Variants in MGAT5 observed in about 807,000 individuals in gnomAD.
MGAT5 encodes alpha-1,6-mannosylglycoprotein 6-beta-N-acetylglucosaminyltransferase.
A neutral mutation model predicts 94.3 loss-of-function variants in MGAT5; 30 were observed. That is an observed-to-expected ratio of 0.32 (90% CI 0.24 to 0.43). The LOEUF (loss-of-function observed/expected upper bound fraction) is 0.43, where lower values mean the gene tolerates loss of function less well. Ranked by LOEUF, MGAT5 falls within the 20% of genes least tolerant of loss-of-function variation. The pLI is 1.00. For synonymous variants in MGAT5, 310 were observed against 322.9 expected (o/e 0.96, Z 0.43); for missense variants, 691 against 905.5 (o/e 0.76, Z 3.04).
At chr2:134,329,584 TA>T (rs1165384013) in intron 4 of MGAT5, among the ~76,000 whole-genome samples, 1 of 152,110 alleles carries the variant, frequency 6.6e-6, no homozygotes, top group African/African-American at 2.4e-5. Flanking sequence ...TGATTGAGCA[TA>T]TCAGCTCTGG....
At chr2:134,444,541 C>A (rs1474872810) in intron 15 of MGAT5, among the ~76,000 whole-genome samples, 5 of 152,236 alleles carry the variant, frequency 3.3e-5, no homozygotes, top group African/African-American at 9.6e-5. Context: ...ATCTGGCAGT[C>A]TATTGAGTGC....
chr2:134,193,199 T>TGCA (rs2105242261), intron 1 of MGAT5, among the ~76,000 whole-genome samples: 1 of 151,908 alleles, frequency 6.6e-6, no homozygotes, highest in Admixed American at 6.6e-5. Context: ...CATGACTCAC[T>TGCA]GCAGCCTTGA....
intron 1 of MGAT5, among the ~76,000 whole-genome samples, chr2:134,149,654 T>C (rs939610122): frequency 1.3e-5 from 2 of 152,256 alleles, no homozygotes; most frequent in Non-Finnish European, 2.9e-5. Context: ...TTCATCTCAA[T>C]TGCGAAAGCA....
At chr2:134,342,333 G>A (rs755621864) in intron 7 of MGAT5, among the ~76,000 whole-genome samples, 22 of 152,206 alleles carry the variant, frequency 1.4e-4, no homozygotes, top group South Asian at 1.0e-3. Context: ...GAGCAGGGAC[G>A]CTTCCATCCC....
chr2:134,245,823 C>CAG (rs1278881618), intron 1 of MGAT5, among the ~76,000 whole-genome samples: 2 of 152,100 alleles, frequency 1.3e-5, no homozygotes, highest in Non-Finnish European at 1.5e-5. Flanking sequence ...CTATTGATGC[C>CAG]AGATATGGAG....
chr2:134,410,594 T>C (rs1683591975), intron 11 of MGAT5, among the ~76,000 whole-genome samples: 1 of 152,230 alleles, frequency 6.6e-6, no homozygotes, highest in South Asian at 2.1e-4. Flanking sequence ...GTTGTTCAGA[T>C]ATAATTAAAC....
In MGAT5 at chr2:134,169,411, C is replaced by G. The variant is rs6738536; in HGVS notation, c.-143+49120C>G. On this transcript the variant is annotated intron_variant, in intron 1 of 16. Coordinates refer to the MGAT5 transcript ENST00000409645. ...ATACACACACACACACACACACACA[C>G]AGACACACACACACACACACACACA... Among the ~76,000 whole-genome samples, 21 of 115,696 alleles carry G rather than the reference C, an allele frequency of 1.8e-4. No homozygotes were observed. The East Asian group carries it at 2.4e-3, about 13-fold the overall frequency. The allele number at this position is 115,696 out of a possible 152,430, so 75.9% of individuals were successfully genotyped here.
chr2:134,172,163 G>T (rs927462064), intron 1 of MGAT5, among the ~76,000 whole-genome samples: 87 of 152,102 alleles, frequency 5.7e-4, no homozygotes, highest in Non-Finnish European at 2.8e-4. Flanking sequence ...TATGTAGAAA[G>T]GCTGGCCCTT....
intron 15 of MGAT5, among the ~76,000 whole-genome samples, chr2:134,447,579 C>T (rs1205226273): frequency 6.6e-6 from 1 of 152,224 alleles, no homozygotes; most frequent in African/African-American, 2.4e-5. Context: ...GTCTGCCCGT[C>T]CCCCAACACC....
chr2:134,289,981 T>A (rs1242791938), intron 2 of MGAT5, among the ~76,000 whole-genome samples: 3 of 152,228 alleles, frequency 2.0e-5, no homozygotes, highest in Non-Finnish European at 4.4e-5. Flanking sequence ...CATGAGTATG[T>A]ACTGTGAGTA....
intron 10 of MGAT5, among the ~76,000 whole-genome samples, chr2:134,402,203 T>TA (rs1485508686): frequency 2.0e-5 from 3 of 152,028 alleles, no homozygotes; most frequent in African/African-American, 4.8e-5. Context: ...AACACAGAGG[T>TA]AAAAAAGGTG....
chr2:134,146,652 T>C lies in MGAT5; in HGVS notation c.-143+26361T>C, dbSNP rs186202795. Among the ~76,000 whole-genome samples the C allele has an allele frequency of 4.1e-4, 63 of 152,286 alleles. No individual in the cohort carries two copies. The East Asian group carries it at 0.012, about 28-fold the overall frequency. On this transcript the variant is annotated intron_variant, in intron 1 of 16. Transcript: ENST00000409645. ...TTGAAGATAATGCTGCTGTTGTTTCTAATGGATGTGAGAGGGCCTGGGGAA... is the reference window on the plus strand; with the variant it reads ...TTGAAGATAATGCTGCTGTTGTTTCCAATGGATGTGAGAGGGCCTGGGGAA...
chr2:134,155,986 C>T (rs1687458854), intron 1 of MGAT5, among the ~76,000 whole-genome samples: 1 of 152,164 alleles, frequency 6.6e-6, no homozygotes, highest in Admixed American at 6.5e-5. Context: ...ATAGTAGTTG[C>T]CACAGTTTGT....
intron 4 of MGAT5, among the ~76,000 whole-genome samples, chr2:134,320,908 G>T (rs542312019): frequency 6.6e-6 from 1 of 152,024 alleles, no homozygotes; most frequent in African/African-American, 2.4e-5. Context: ...GGTTCCAACC[G>T]GGCTCCATGA....
At chr2:134,196,802 A>G (rs1159601280) in intron 1 of MGAT5, among the ~76,000 whole-genome samples, 1 of 152,220 alleles carries the variant, frequency 6.6e-6, no homozygotes, top group Non-Finnish European at 1.5e-5. Flanking sequence ...TGTGTGGCCC[A>G]AGACAGTTCT....
At chr2:134,216,339 A>G (rs534561847) in intron 1 of MGAT5, among the ~76,000 whole-genome samples, 1 of 152,276 alleles carries the variant, frequency 6.6e-6, no homozygotes, top group Non-Finnish European at 1.5e-5. Flanking sequence ...ATGAGACCGA[A>G]CTTGATTTTC....
At chr2:134,207,917 C>T (rs1262387166) in intron 1 of MGAT5, among the ~76,000 whole-genome samples, 5 of 152,220 alleles carry the variant, frequency 3.3e-5, no homozygotes, top group Non-Finnish European at 5.9e-5. Flanking sequence ...TGTGTCATAA[C>T]TTAAAGGTCC....
intron 1 of MGAT5, among the ~76,000 whole-genome samples, chr2:134,264,017 G>GTTTTGT (rs1553433826): frequency 1.2e-4 from 13 of 108,938 alleles, no homozygotes; most frequent in African/African-American, 3.5e-4. Context: ...ATGCCATTAG[G>GTTTTGT]TTTTTTTTTT....
rs150568561 is a variant in MGAT5 at position 134,421,590 on chromosome 2, A to T, written c.1678-1213A>T. Among the ~76,000 whole-genome samples, 500 of 152,278 alleles carry T rather than the reference A, an allele frequency of 3.3e-3. 2 individuals carry two copies. Among genetic ancestry groups the T allele is most frequent in the African/African-American group, 8.2e-3 (342 of 41,560 alleles). ...CAAAGCAAAACTCTGTTTCAAAAAA[A>T]AAAAATAAAAAACTAGATTCTCTAA... On this transcript the variant is annotated intron_variant, in intron 12 of 15. Transcript: ENST00000281923.
Sources: gnomAD v4.1 joint callset for allele counts (sites outside exome capture counted in the v4.1 genomes callset) on GRCh38, gnomAD v4.1.1 for gene constraint, MANE v1.5 for transcripts, NCBI Gene and HGNC (gene_info 2026-07-23, HGNC 2026-07-21) for gene names.